MYOM1: variants seen among roughly 807,000 people sequenced by gnomAD.
MYOM1 encodes the protein myomesin-1.
Under a neutral mutation model 205.3 loss-of-function variants are expected in MYOM1, and 164 were observed. The ratio of observed to expected loss-of-function variants is 0.80; its 90% CI spans 0.70 to 0.91. The LOEUF (loss-of-function observed/expected upper bound fraction) is 0.91. Ranked by LOEUF, MYOM1 falls within the 40% of genes least tolerant of loss-of-function variation. MYOM1 has a pLI of 0.00. For synonymous variants in MYOM1, 772 were observed against 789.4 expected (o/e 0.98, Z 0.37); for missense variants, 2,011 against 2,127.3 (o/e 0.95, Z 1.08).
At chr18:3,084,327 C>T (rs1297811346) in intron 31 of MYOM1, among the ~76,000 whole-genome samples, 1 of 152,054 alleles carries the variant, frequency 6.6e-6, no homozygotes, top group Admixed American at 6.6e-5. Context: ...CTTTGGGATT[C>T]TCTTTCTTCT....
chr18:3,147,173 A>G (rs2080141257), intron 13 of MYOM1, among the ~76,000 whole-genome samples: 1 of 131,588 alleles, frequency 7.6e-6, no homozygotes, highest in African/African-American at 2.6e-5. Flanking sequence ...ATATATATAT[A>G]AAAAGTCAGA....
chr18:3,241,998 G>A, the MYOM1 span, among the ~76,000 whole-genome samples: 2 of 152,186 alleles, frequency 1.3e-5, no homozygotes, highest in African/African-American at 4.8e-5. Context: ...TTTACCCAAT[G>A]CCTGTACCCC....
rs367771030 is a variant in MYOM1, at chr18:3,112,292, G to T, written c.3418+6C>A. The stretch of plus-strand genomic sequence containing the variant: ...GATTAGTTTTAATGAAAAGGTGAAA[G>T]CCCACCTGGACGGGTCTCTGCCACA... On this transcript the variant is annotated splice_donor_region_variant and intron_variant, in intron 22 of 37. Transcript: ENST00000356443. 3.1e-6 allele frequency: 5 copies of T among 1,611,854 alleles called. No individual in the cohort carries two copies. In the Admixed American group the frequency reaches 6.7e-5, roughly 22 times the overall value.
Position 3,135,575 on chromosome 18 carries a change from C to T in MYOM1, c.2181G>A (p.Thr727=), listed in dbSNP as rs180910875. 1.8e-3 allele frequency: 2,830 copies of T among 1,613,696 alleles called. 8 individuals carry two copies. Among genetic ancestry groups the T allele is most frequent in the Non-Finnish European group, 2.2e-3 (2,541 of 1,179,822 alleles). ...SAGVGEPSEA[T]EVTVVGDKLD... ...GTTTGTCCCCTACCACAGTCACCTCCGTTGCCTCTGAGGGCTCACCAACTC... is the reference window on the plus strand; with the variant it reads ...GTTTGTCCCCTACCACAGTCACCTCTGTTGCCTCTGAGGGCTCACCAACTC... Residue 727 remains threonine (T), a synonymous_variant, in exon 15 of 38, where the codon ACG becomes ACA. Coordinates refer to ENST00000356443, the MANE Select transcript of MYOM1 (RefSeq NM_003803.4). The surrounding 1 kb of genome is among the most constrained non-coding windows in gnomAD (Gnocchi z 4.1).
rs2081160469 is a variant in MYOM1 at position 3,209,067 on chromosome 18, T to C, written c.290+5867A>G. Among the ~76,000 whole-genome samples, 1 of 152,224 alleles carries C rather than the reference T, an allele frequency of 6.6e-6. No individual in the cohort carries two copies. The highest frequency in any genetic ancestry group is 2.1e-4 in the South Asian group (1 of 4,830). Reference sequence around the variant, plus strand: ...AACTATGGTTATTTCAAGGTGCTTTTCCTATTAAATACCAGAAAAACACTA... The same window carrying C: ...AACTATGGTTATTTCAAGGTGCTTTCCCTATTAAATACCAGAAAAACACTA... On this transcript the variant is annotated intron_variant, in intron 2 of 37. Transcript: ENST00000356443. The surrounding 1 kb of genome is among the most constrained non-coding windows in gnomAD (Gnocchi z 4.0).
Position 3,191,400 on chromosome 18 carries a change from G to C in MYOM1, c.432-2313C>G, listed in dbSNP as rs549209278. ...CTCCCAGGCATGCAGCTTTCAGCAA[G>C]TCACTCTGCCATGATTTCCTTGTCC... On this transcript the variant is annotated intron_variant, in intron 3 of 37. Coordinates refer to ENST00000356443, the MANE Select transcript of MYOM1 (RefSeq NM_003803.4). Among the ~76,000 whole-genome samples, 70 of 152,296 alleles carry C rather than the reference G, an allele frequency of 4.6e-4. 1 individual carries two copies. The Middle Eastern group carries it at 0.02, about 44-fold the overall frequency.
chr18:3,187,997 C>A (rs746620452), intron 4 of MYOM1, among the ~76,000 whole-genome samples: 7 of 151,540 alleles, frequency 4.6e-5, no homozygotes, highest in Non-Finnish European at 8.8e-5. Context: ...CACCACCATG[C>A]CTGGCTAATT....
chr18:3,241,563 C>T, the MYOM1 span, among the ~76,000 whole-genome samples: 81 of 152,188 alleles, frequency 5.3e-4, no homozygotes, highest in Non-Finnish European at 8.5e-4. Context: ...GCTGCAGGGG[C>T]GGGGCCCTCA....
At chr18:3,229,587 T>C in the MYOM1 span, among the ~76,000 whole-genome samples, 1 of 152,220 alleles carries the variant, frequency 6.6e-6, no homozygotes, top group South Asian at 2.1e-4. Flanking sequence ...TAATGTATAA[T>C]GTCATCAACC....
rs987219878 is a variant in MYOM1 at position 3,134,734 on chromosome 18, T to G, written c.2300A>C (p.Glu767Ala). ...VSWEESKDAK[E>A]LVGYYIEASV... ...CGCCTCTATGTAGTACCCGACCAGC[T>G]CTTTGGCATCTTTGGACTCCTCCCA... The change falls in exon 16 of 38, where the codon GAG becomes GCG. Residue 767 changes from glutamate to alanine, a missense_variant. Physicochemically the swap from Glu to Ala is moderately radical, Grantham distance 107. Transcript: ENST00000356443. The G allele has an allele frequency of 1.6e-5, 26 of 1,613,758 alleles. No homozygotes were observed. Among genetic ancestry groups the G allele is most frequent in the Non-Finnish European group, 2.2e-5 (26 of 1,179,874 alleles).
chr18:3,239,693 G>A, the MYOM1 span, among the ~76,000 whole-genome samples: 2 of 148,782 alleles, frequency 1.3e-5, no homozygotes, highest in African/African-American at 5.0e-5. Flanking sequence ...GGAGGCCAAG[G>A]CTGCAGTGAG....
chr18:3,237,640 T>C, the MYOM1 span, among the ~76,000 whole-genome samples: 1 of 148,918 alleles, frequency 6.7e-6, no homozygotes, highest in Non-Finnish European at 1.5e-5. Context: ...CATTCTGACA[T>C]GTTACAACAT....
At chr18:3,084,965 G>C in intron 31 of MYOM1, 80 bp downstream of exon 31, 1 of 1,066,564 alleles carries the variant, frequency 9.4e-7, no homozygotes, top group South Asian at 1.7e-5. Flanking sequence ...GATTTCAATC[G>C]TCAGCTCGGC....
intron 14 of MYOM1, among the ~76,000 whole-genome samples, chr18:3,137,096 G>A (rs967407617): frequency 1.6e-4 from 25 of 151,596 alleles, no homozygotes; most frequent in African/African-American, 5.3e-4. Context: ...GACTACAGGC[G>A]CCCCCCACCA....
chr18:3,184,625 C>T (rs1282809404), intron 5 of MYOM1, among the ~76,000 whole-genome samples: 3 of 152,096 alleles, frequency 2.0e-5, no homozygotes, highest in African/African-American at 4.8e-5. Context: ...GATGCAGTGG[C>T]GAGATCAGAG....
rs553826990 is a variant in MYOM1, at chr18:3,074,633, T to G, written c.4708+821A>C. 4.6e-5 allele frequency among the ~76,000 whole-genome samples: 7 copies of G among 152,322 alleles called. No individual in the cohort carries two copies. The South Asian group carries it at 1.0e-3, about 23-fold the overall frequency. ...GTGTTTCTGGGTACACATGCAGACTTGACAGATTGGTGTTGCTTTGCTTGG... is the reference window on the plus strand; with the variant it reads ...GTGTTTCTGGGTACACATGCAGACTGGACAGATTGGTGTTGCTTTGCTTGG... On this transcript the variant is annotated intron_variant, in intron 36 of 37. Coordinates refer to ENST00000356443, the MANE Select transcript of MYOM1 (RefSeq NM_003803.4).
rs144752809 is a variant in MYOM1 at position 3,126,980 on chromosome 18, G to A, written c.2795-83C>T. ...AAACATTTCCATGGGTGCCACATAT[G>A]AGGGCACTAGATCTTGCAGTATAAA... is the stretch of plus-strand genomic sequence containing the variant. On this transcript the variant is annotated intron_variant, in intron 18 of 37. Transcript: ENST00000356443. The A allele has an allele frequency of 2.0e-4, 255 of 1,250,656 alleles. No individual in the cohort carries two copies. In the African/African-American group the frequency reaches 3.5e-3, roughly 17 times the overall value. 77.5% of individuals were successfully genotyped at this position (1,250,656 alleles called of 1,614,324 possible).
intron 37 of MYOM1, among the ~76,000 whole-genome samples, chr18:3,069,823 C>T (rs1165247580): frequency 6.6e-6 from 1 of 152,162 alleles, no homozygotes; most frequent in African/African-American, 2.4e-5. Context: ...CTTTCATATA[C>T]ATTCTCTTTC....
At chr18:3,148,519 A>T (rs1452976981) in intron 13 of MYOM1, among the ~76,000 whole-genome samples, 1 of 152,118 alleles carries the variant, frequency 6.6e-6, no homozygotes, top group East Asian at 1.9e-4. Flanking sequence ...GGGCAGGGGA[A>T]ATTTAGGGGT....
Sources: allele counts gnomAD v4.1 joint callset (sites outside exome capture counted in the v4.1 genomes callset), GRCh38; gene constraint gnomAD v4.1.1; non-coding constraint Gnocchi (gnomAD v3.1); transcripts MANE v1.5; gene names NCBI Gene and HGNC (gene_info 2026-07-23, HGNC 2026-07-21).